The following SLC66A3 variants were observed in gnomAD, a reference collection of about 807,000 sequenced individuals.
SLC66A3 encodes PQ loop repeat containing 3.
Under a neutral mutation model 25.5 loss-of-function variants are expected in SLC66A3, and 23 were observed. The observed-to-expected ratio is 0.90, with a 90% CI of 0.65 to 1.28. SLC66A3 has a LOEUF of 1.28. SLC66A3 is among the 50% of genes most tolerant of loss of function. The pLI, the probability that SLC66A3 is intolerant of heterozygous loss-of-function variation, is 0.00. For synonymous variants in SLC66A3, 108 were observed against 112.6 expected, an observed-to-expected ratio of 0.96 and a Z score of 0.26; for missense variants, 246 against 262.1, an observed-to-expected ratio of 0.94 and a Z score of 0.42.
rs765676468 is a variant in SLC66A3, at chr2:11,155,632, T to C, written c.86T>C (p.Leu29Pro). 6 of 1,518,222 alleles carry C rather than the reference T, an allele frequency of 4.0e-6. No homozygotes were observed. Among genetic ancestry groups the C allele is most frequent in the East Asian group, 5.3e-5 (2 of 37,588 alleles). 94.0% of individuals were successfully genotyped at this position (1,518,222 alleles called of 1,614,324 possible). A position where few individuals can be genotyped will look rare whatever the true frequency, so the allele number is the denominator to read the frequency against. ...AAGCTGCCGCAGATCTCCGCTGTGC[T>C]AGCGGCGCGCAGCGCGCGGGGCCTC... ...ALKLPQISAV[L>P]AARSARGLSL... Residue 29 changes from leucine (L) to proline (P), a missense_variant, in exon 1 of 7, where the codon CTA (leucine) becomes CCA (proline). Leu to Pro is a moderately conservative substitution (Grantham distance 98, BLOSUM62 -3). Around this residue, in one of 3 missense-constraint regions of SLC66A3, gnomAD observed 142 missense variants for 130.3 expected, o/e 1.09. Transcript: ENST00000295083.
chr2:11,161,590 C>G (rs1662132243), intron 3 of SLC66A3, among the ~76,000 whole-genome samples: 1 of 152,106 alleles, frequency 6.6e-6, no homozygotes, highest in African/African-American at 2.4e-5. Flanking sequence ...TGGATTAGAG[C>G]TCACTGCAGC....
intron 4 of SLC66A3, 46 bp downstream of exon 4, chr2:11,164,307 G>C: frequency 1.3e-6 from 1 of 760,730 alleles, no homozygotes; most frequent in Non-Finnish European, 2.0e-6. Flanking sequence ...AAGCTACCTT[G>C]GAGAGAACTT....
chr2:11,160,363 A>T, intron 1 of SLC66A3, 103 bp from the exon 2 acceptor site: 1 of 914,928 alleles, frequency 1.1e-6, no homozygotes, highest in Non-Finnish European at 1.8e-6. Context: ...CCACACCCCC[A>T]CTGCAAGGAT....
rs1661867179 is a variant in SLC66A3, at chr2:11,155,686, C to T, written c.140C>T (p.Ala47Val). 1.4e-6 allele frequency: 2 copies of T among 1,435,910 alleles called. No homozygotes were observed. Among genetic ancestry groups the T allele is most frequent in the East Asian group, 2.8e-5 (1 of 35,858 alleles). 88.9% of individuals were successfully genotyped at this position (1,435,910 alleles called of 1,614,324 possible). The change falls in exon 1 of 7, where the codon GCA becomes GTA. Residue 47 changes from alanine (A) to valine (V), a missense_variant. Physicochemically the swap from Ala to Val is moderately conservative, Grantham distance 64. Around this residue, in one of 3 missense-constraint regions of SLC66A3, gnomAD observed 142 missense variants for 130.3 expected, o/e 1.09. Transcript: ENST00000295083. The stretch of plus-strand genomic sequence containing the variant: ...CTTCCGAGTTTACTTCTGGAGCTGG[C>T]AGGGTAAGGCCCGGGGCGGCCGGGG... Reference protein sequence around the residue: ...LSLPSLLLELAGFLVFLRYQC... With the variant: ...LSLPSLLLELVGFLVFLRYQC...
chr2:11,166,175 C>G (rs1662336740), intron 4 of SLC66A3, among the ~76,000 whole-genome samples: 1 of 152,190 alleles, frequency 6.6e-6, no homozygotes, highest in East Asian at 1.9e-4. Flanking sequence ...CAGCTGGCCA[C>G]TAGCAGTTTT....
intron 4 of SLC66A3, among the ~76,000 whole-genome samples, chr2:11,168,248 G>A (rs1338667243): frequency 6.6e-6 from 1 of 151,232 alleles, no homozygotes; most frequent in Non-Finnish European, 1.5e-5. Context: ...TTGAGCCACT[G>A]CACTCCAGCC....
At chr2:11,175,132 G>T in intron 6 of SLC66A3, 123 bp downstream of exon 6, 1 of 683,158 alleles carries the variant, frequency 1.5e-6, no homozygotes, top group South Asian at 2.2e-5. Context: ...TTTAGAAGAT[G>T]GCAACAATGT....
At chr2:11,175,255 A>G (rs1394414624) in intron 6 of SLC66A3, among the ~76,000 whole-genome samples, 1 of 152,232 alleles carries the variant, frequency 6.6e-6, no homozygotes, top group Non-Finnish European at 1.5e-5. Flanking sequence ...CTTCCACTTA[A>G]GCAGTGGAAT....
chr2:11,171,207 A>G (rs886523952), intron 4 of SLC66A3, among the ~76,000 whole-genome samples: 1 of 152,074 alleles, frequency 6.6e-6, no homozygotes, highest in African/African-American at 2.4e-5. Context: ...ACTCCCAGCT[A>G]CTTGAGAGGC....
chr2:11,177,670 T>G, intron 6 of SLC66A3, 67 bp from the exon 7 acceptor site: 1 of 960,198 alleles, frequency 1.0e-6, no homozygotes, highest in South Asian at 1.4e-5. Flanking sequence ...GCTTATACTT[T>G]GAGCAGGAGG....
intron 3 of SLC66A3, among the ~76,000 whole-genome samples, chr2:11,162,532 A>C (rs1662164511): frequency 6.6e-6 from 1 of 152,218 alleles, no homozygotes; most frequent in Admixed American, 6.5e-5. Flanking sequence ...AGATGCTTAT[A>C]ATCTCCCATT....
chr2:11,160,483 G>C lies in SLC66A3; in HGVS notation c.161G>C (p.Arg54Pro), dbSNP rs779703202. ...CTCTCCAGATTCCTGGTGTTTCTGC[G>C]GTACCAGTGTTACTATGGGTATCCG... Reference protein sequence around the residue: ...LELAGFLVFLRYQCYYGYPPL... With the variant: ...LELAGFLVFLPYQCYYGYPPL... The change falls in exon 2 of 7, where the codon CGG becomes CCG. Residue 54 changes from arginine (R) to proline (P), a missense_variant. By Grantham distance (103) the Arg-to-Pro change is moderately radical (BLOSUM62 -2). Transcript: ENST00000295083. The C allele has an allele frequency of 2.1e-5, 34 of 1,614,074 alleles. No homozygotes were observed. In the South Asian group the frequency reaches 3.7e-4, roughly 18 times the overall value.
chr2:11,165,799 C>A (rs535734504), intron 4 of SLC66A3, among the ~76,000 whole-genome samples: 11 of 152,262 alleles, frequency 7.2e-5, no homozygotes, highest in African/African-American at 2.4e-4. Context: ...AGATCACTCG[C>A]GGTTAGGGGC....
In SLC66A3 at chr2:11,166,316, G is replaced by C. The variant is rs559911231; in HGVS notation, c.354+2055G>C. 2.6e-5 allele frequency among the ~76,000 whole-genome samples: 4 copies of C among 152,242 alleles called. No homozygotes were observed. In the South Asian group the frequency reaches 8.3e-4, roughly 32 times the overall value. On this transcript the variant is annotated intron_variant, in intron 4 of 6. Transcript: ENST00000295083. ...GCCGAAAATTTCCAAGGGCTCCTGA[G>C]GGTGGTTCAGGATGTGTTTGACCAC... is the stretch of plus-strand genomic sequence containing the variant.
chr2:11,170,545 C>T (rs971747404), intron 4 of SLC66A3, among the ~76,000 whole-genome samples: 2 of 151,490 alleles, frequency 1.3e-5, no homozygotes, highest in Non-Finnish European at 2.9e-5. Flanking sequence ...TTTGTCAGTT[C>T]AGAACAGCAT....
At chr2:11,173,246 C>T (rs1231579518) in intron 5 of SLC66A3, among the ~76,000 whole-genome samples, 2 of 152,182 alleles carry the variant, frequency 1.3e-5, no homozygotes, top group Non-Finnish European at 2.9e-5. Context: ...ACCTCAGCCT[C>T]CCAAAGTATT....
chr2:11,159,330 G>A (rs573294945), intron 1 of SLC66A3, among the ~76,000 whole-genome samples: 1 of 152,294 alleles, frequency 6.6e-6, no homozygotes, highest in East Asian at 1.9e-4. Context: ...CCCTGCGGCA[G>A]GGCAGGGCAG....
intron 4 of SLC66A3, among the ~76,000 whole-genome samples, chr2:11,169,101 T>G: frequency 6.6e-6 from 1 of 152,190 alleles, no homozygotes; most frequent in Admixed American, 6.5e-5. Context: ...CAAGTGATCC[T>G]CCTGCCTTGG....
At position 11,155,789 on chromosome 2, in the gene SLC66A3, C is replaced by T. The variant is rs181696099; in HGVS notation, c.143+100C>T. ...GGCTCGAAGTAGGGCGGGGATGATC[C>T]CCGCGCGCCGGCGTCGCAGCTGGGC... is the stretch of plus-strand genomic sequence containing the variant. On this transcript the variant is annotated intron_variant, in intron 1 of 6. Coordinates refer to ENST00000295083, the MANE Select transcript of SLC66A3 (RefSeq NM_152391.5). The T allele has an allele frequency of 1.9e-4, 224 of 1,162,440 alleles. 1 individual carries two copies. In the Middle Eastern group the frequency reaches 2.3e-3, roughly 12 times the overall value. The allele number at this position is 1,162,440 out of a possible 1,614,324, so 72.0% of individuals were successfully genotyped here.
Sources: allele counts gnomAD v4.1 joint callset (sites outside exome capture counted in the v4.1 genomes callset), GRCh38; gene constraint gnomAD v4.1.1; regional missense constraint gnomAD v4.1.1; transcripts MANE v1.5; gene names NCBI Gene and HGNC (gene_info 2026-07-23, HGNC 2026-07-21).